The following MROH2A variants were observed in gnomAD, a reference collection of about 807,000 sequenced individuals.
MROH2A encodes maestro heat like repeat family member 2A.
MROH2A carries 174 observed loss-of-function variants against 200.4 expected under a neutral mutation model. That is an observed-to-expected ratio of 0.87 (90% CI 0.77 to 0.98). The LOEUF is 0.98. Ranked by LOEUF, MROH2A falls within the 50% of genes least tolerant of loss-of-function variation. The pLI is 0.00. For missense variants in MROH2A, 2,045 were observed against 2,139.6 expected, an observed-to-expected ratio of 0.96 and a Z score of 0.87; for synonymous variants, 829 against 840.4, an observed-to-expected ratio of 0.99 and a Z score of 0.23.
At chr2:233,798,711 G>A in intron 11 of MROH2A, 63 bp from the exon 12 acceptor site, 1 of 1,237,238 alleles carries the variant, frequency 8.1e-7, no homozygotes, top group Non-Finnish European at 1.2e-6. Context: ...CCTGATGTGG[G>A]ACGAGCCACC....
At position 233,796,001 on chromosome 2, in the gene MROH2A, G is replaced by A; in HGVS notation, c.1094G>A (p.Ser365Asn). Residue 365 changes from serine (S) to asparagine (N), a missense_variant, in exon 10 of 42, where the codon AGC (serine) becomes AAC (asparagine). This residue lies in a region of MROH2A where 831 missense variants were observed against 800.0 expected (regional missense o/e 1.04). Transcript: ENST00000389758. ...AAGGCCCCGGCCCAGCATCAGTACA[G>A]CAGCCAGAATCTGATGGAGATGGTG... ...CNKAPAQHQYSSQNLMEMVHC... is the reference protein window; with the variant it reads ...CNKAPAQHQYNSQNLMEMVHC... The A allele has an allele frequency of 6.4e-7, 1 of 1,550,660 alleles. No individual in the cohort carries two copies. The highest frequency in any genetic ancestry group is 1.2e-5 in the South Asian group (1 of 84,060).
intron 35 of MROH2A, among the ~76,000 whole-genome samples, chr2:233,827,673 C>T (rs1049547003): frequency 8.6e-5 from 13 of 151,886 alleles, no homozygotes; most frequent in African/African-American, 2.7e-4. Context: ...CTATGACACA[C>T]GTCTACCTAT....
chr2:233,789,790 G>A, intron 4 of MROH2A, 62 bp from the exon 5 acceptor site: 1 of 1,509,246 alleles, frequency 6.6e-7, no homozygotes, highest in Non-Finnish European at 8.9e-7. Flanking sequence ...CCTGGGGTAG[G>A]AAGGTTTTCC....
chr2:233,794,337 G>A (rs762587174), intron 7 of MROH2A, 26 bp from the exon 8 acceptor site: 29 of 1,517,704 alleles, frequency 1.9e-5, no homozygotes, highest in East Asian at 9.8e-5. Context: ...GAGACAATGC[G>A]TCCCAGAGCT....
intron 38 of MROH2A, among the ~76,000 whole-genome samples, chr2:233,830,359 T>C (rs897772845): frequency 1.3e-5 from 2 of 152,028 alleles, no homozygotes; most frequent in African/African-American, 2.4e-5. Context: ...CGCCCTCTTC[T>C]CTCCCTAGTC....
In MROH2A at chr2:233,796,184, T is replaced by C; in HGVS notation, c.1139-16T>C. The C allele has an allele frequency of 6.5e-7, 1 of 1,542,228 alleles. No individual in the cohort carries two copies. The highest frequency in any genetic ancestry group is 8.8e-7 in the Non-Finnish European group (1 of 1,140,230). On this transcript the variant is annotated splice_polypyrimidine_tract_variant and intron_variant, in intron 10 of 41. Coordinates refer to ENST00000389758, the MANE Select transcript of MROH2A (RefSeq NM_001394639.1). Reference sequence around the variant, plus strand: ...GACCCGGTGAGCATGACTAAAGCTGTCCTTCCACCCTGCAGCTCGCTCCTA... The same window carrying C: ...GACCCGGTGAGCATGACTAAAGCTGCCCTTCCACCCTGCAGCTCGCTCCTA...
intron 26 of MROH2A, 27 bp from the exon 27 acceptor site, chr2:233,816,754 C>T (rs1162412213): frequency 2.0e-6 from 3 of 1,494,632 alleles, no homozygotes; most frequent in East Asian, 2.5e-5. Flanking sequence ...TTAACACCCA[C>T]TTTGGTGTTC....
At chr2:233,831,359 G>T in intron 38 of MROH2A, 50 bp from the exon 39 acceptor site, 1 of 1,505,580 alleles carries the variant, frequency 6.6e-7, no homozygotes, top group South Asian at 1.3e-5. Flanking sequence ...CCCCTCTGGG[G>T]AACCACGTGG....
chr2:233,804,551 A>G lies in MROH2A; in HGVS notation c.1944+4A>G. 1 of 1,551,270 alleles carries G rather than the reference A, an allele frequency of 6.4e-7. No individual in the cohort carries two copies. ...CTGGGAAGACAAGCTGATTCAGGTA[A>G]ACGGGTAACAAGTTTGCTGAGGCCT... On this transcript the variant is annotated splice_donor_region_variant and intron_variant, in intron 18 of 41. Coordinates refer to ENST00000389758, the MANE Select transcript of MROH2A (RefSeq NM_001394639.1).
chr2:233,823,194 T>A (rs555661297), intron 34 of MROH2A, among the ~76,000 whole-genome samples, 176 bp downstream of exon 34: 15 of 152,204 alleles, frequency 9.9e-5, no homozygotes, highest in East Asian at 1.9e-4. Flanking sequence ...AATGAGAACC[T>A]TTTATTCGAA....
chr2:233,832,482 A>C (rs1704831156), intron 40 of MROH2A, 97 bp from the exon 41 acceptor site: 2 of 1,094,632 alleles, frequency 1.8e-6, no homozygotes, highest in Admixed American at 4.1e-5. Flanking sequence ...AAAATCTTTC[A>C]TCAATGCTCT....
At chr2:233,823,904 C>G (rs1559481309) in intron 35 of MROH2A, among the ~76,000 whole-genome samples, 1 of 152,186 alleles carries the variant, frequency 6.6e-6, no homozygotes, top group Non-Finnish European at 1.5e-5. Context: ...ATGTGTGACC[C>G]AGGCAAGTAC....
chr2:233,791,155 G>A (rs1575920651), intron 5 of MROH2A, among the ~76,000 whole-genome samples: 1 of 152,218 alleles, frequency 6.6e-6, no homozygotes, highest in Admixed American at 6.5e-5. Flanking sequence ...GCAGGGCCTT[G>A]GGGACGTCAC....
At chr2:233,791,096 G>A (rs1324242639) in intron 5 of MROH2A, among the ~76,000 whole-genome samples, 1 of 152,228 alleles carries the variant, frequency 6.6e-6, no homozygotes, top group Non-Finnish European at 1.5e-5. Context: ...GTTGAGAAGT[G>A]GCTGTGGCTG....
intron 5 of MROH2A, 67 bp downstream of exon 5, chr2:233,790,081 C>T (rs1701623208): frequency 3.7e-6 from 5 of 1,366,316 alleles, no homozygotes; most frequent in Admixed American, 2.6e-5. Context: ...CTCTGCCCCT[C>T]CCATCTATCC....
At chr2:233,812,645 C>T (rs979282469) in intron 24 of MROH2A, among the ~76,000 whole-genome samples, 1 of 152,074 alleles carries the variant, frequency 6.6e-6, no homozygotes, top group African/African-American at 2.4e-5. Flanking sequence ...CTAGTCCCAG[C>T]CTTTTAAGGA....
Position 233,828,907 on chromosome 2 carries a change from G to A in MROH2A, c.4281G>A (p.Lys1427=). The A allele has an allele frequency of 6.4e-7, 1 of 1,550,456 alleles. No homozygotes were observed. The highest frequency in any genetic ancestry group is 8.7e-7 in the Non-Finnish European group (1 of 1,146,966). The change falls in exon 37 of 42, where the codon AAG becomes AAA. Residue 1427 remains lysine, a synonymous_variant. Transcript: ENST00000389758. This position sits in a 1 kb window ranked among gnomAD's most constrained non-coding sequence, Gnocchi z 4.6. ...GAPKKVKQYR[K]VLLEKCLGPL... Reference sequence around the variant, plus strand: ...CCCTCCAGGTGAAGCAGTACCGGAAGGTCTTGCTGGAGAAGTGCCTGGGCC... The same window carrying A: ...CCCTCCAGGTGAAGCAGTACCGGAAAGTCTTGCTGGAGAAGTGCCTGGGCC...
chr2:233,815,845 CTTTTTT>C (rs5839494), intron 26 of MROH2A, among the ~76,000 whole-genome samples: 40 of 129,236 alleles, frequency 3.1e-4, no homozygotes, highest in Non-Finnish European at 4.2e-4. Context: ...TTAGATTTTG[CTTTTTT>C]TTTTTTTTTT....
chr2:233,808,080 T>G (rs1702921164), intron 21 of MROH2A, among the ~76,000 whole-genome samples: 1 of 152,218 alleles, frequency 6.6e-6, no homozygotes, highest in South Asian at 2.1e-4. Context: ...ACCCAGATAC[T>G]GTCACGGAGT....
Sources: allele counts gnomAD v4.1 joint callset (sites outside exome capture counted in the v4.1 genomes callset), GRCh38; gene constraint gnomAD v4.1.1; regional missense constraint gnomAD v4.1.1; non-coding constraint Gnocchi (gnomAD v3.1); transcripts MANE v1.5; gene names NCBI Gene and HGNC (gene_info 2026-07-23, HGNC 2026-07-21).